SVIL: variants seen among roughly 807,000 people sequenced by gnomAD.
SVIL encodes the protein archvillin.
SVIL carries 101 observed loss-of-function variants against 240.4 expected under a neutral mutation model. The ratio of observed to expected loss-of-function variants is 0.42; its 90% CI spans 0.36 to 0.50. The LOEUF (loss-of-function observed/expected upper bound fraction) is 0.50, where lower values mean the gene tolerates loss of function less well. Among genes scored for constraint, SVIL ranks in the 20% least tolerant of loss-of-function variants. SVIL has a pLI of 0.01. For synonymous variants in SVIL, 999 were observed against 1,100.0 expected (o/e 0.91, Z 1.82); for missense variants, 2,512 against 2,818.7 (o/e 0.89, Z 2.46).
chr10:29,535,342 G>A (rs1305852022), intron 7 of SVIL, among the ~76,000 whole-genome samples: 1 of 152,170 alleles, frequency 6.6e-6, no homozygotes, highest in Non-Finnish European at 1.5e-5. Context: ...TGGAATGCGT[G>A]CTCCTGATCA....
chr10:29,629,756 T>C (rs556874096), intron 1 of SVIL, among the ~76,000 whole-genome samples: 1 of 148,718 alleles, frequency 6.7e-6, no homozygotes, highest in Non-Finnish European at 1.5e-5. Context: ...AATGGGAGGA[T>C]AGCTTGAGGC....
chr10:29,463,113 G>A (rs907703721), intron 35 of SVIL, among the ~76,000 whole-genome samples: 13 of 152,160 alleles, frequency 8.5e-5, no homozygotes, highest in Admixed American at 1.3e-4. Context: ...CTCCAACAGC[G>A]TGGTAGTGCT....
intron 2 of SVIL, 26 bp from the exon 3 acceptor site, chr10:29,563,318 T>C (rs1401690197): frequency 4.2e-6 from 4 of 955,072 alleles, no homozygotes; most frequent in African/African-American, 1.8e-5. Flanking sequence ...TTAATAAAGT[T>C]AAGTCCATTT....
At chr10:29,652,007 A>ACTT (rs1273958082) in intron 3 of SVIL, among the ~76,000 whole-genome samples, 4 of 145,622 alleles carry the variant, frequency 2.7e-5, no homozygotes, top group African/African-American at 9.8e-5. Flanking sequence ...TATATGTAAG[A>ACTT]CACACACACA....
intron 17 of SVIL, among the ~76,000 whole-genome samples, chr10:29,499,541 G>A (rs868795469): frequency 0.036 from 5,471 of 151,472 alleles, 341 homozygotes; most frequent in African/African-American, 0.13. Flanking sequence ...TCCTTTGTAA[G>A]CACAAACAAT....
intron 1 of SVIL, chr10:29,602,280 CTTAAAGGT>C: frequency 1.9e-6 from 1 of 533,826 alleles, no homozygotes. Context: ...ATACCAAGTT[CTTAAAGGT>C]GTACCACGGT....
At chr10:29,529,590 G>A in intron 12 of SVIL, 115 bp downstream of exon 12, 4 of 1,272,678 alleles carry the variant, frequency 3.1e-6, no homozygotes, top group Non-Finnish European at 4.1e-6. Flanking sequence ...TAACTTCTCT[G>A]TGGCTTCTAG....
intron 1 of SVIL, among the ~76,000 whole-genome samples, chr10:29,732,728 C>CCTTGGCCTAAT (rs1964690116): frequency 6.6e-6 from 1 of 152,186 alleles, no homozygotes; most frequent in East Asian, 1.9e-4. Context: ...GGAAATGGTC[C>CCTTGGCCTAAT]CTCTTCCCAG....
At chr10:29,567,714 A>T (rs990178499) in intron 2 of SVIL, among the ~76,000 whole-genome samples, 1 of 152,122 alleles carries the variant, frequency 6.6e-6, no homozygotes, top group African/African-American at 2.4e-5. Context: ...CCTGCTAGGG[A>T]CATATTAGAG....
At chr10:29,517,707 G>T (rs577430901) in intron 16 of SVIL, among the ~76,000 whole-genome samples, 2 of 152,314 alleles carry the variant, frequency 1.3e-5, no homozygotes, top group South Asian at 4.1e-4. Flanking sequence ...GGTGGATTCT[G>T]CAACAGTTCA....
chr10:29,686,404 T>A (rs540063635), intron 2 of SVIL: 1 of 152,340 alleles, frequency 6.6e-6, no homozygotes, highest in East Asian at 1.9e-4. Context: ...GTTTTGTTTT[T>A]AAAAAGTCCA....
intron 1 of SVIL, among the ~76,000 whole-genome samples, chr10:29,687,220 C>T (rs1357016907): frequency 1.3e-5 from 2 of 152,244 alleles, no homozygotes; most frequent in Non-Finnish European, 2.9e-5. Context: ...CTGATAATGT[C>T]AATTACAAGC....
At chr10:29,544,287 C>T (rs1952434280) in intron 6 of SVIL, among the ~76,000 whole-genome samples, 1 of 152,132 alleles carries the variant, frequency 6.6e-6, no homozygotes, top group Admixed American at 6.5e-5. Flanking sequence ...CTAAAAGTCG[C>T]TTGTTTGGAA....
intron 2 of SVIL, among the ~76,000 whole-genome samples, chr10:29,681,741 T>G (rs182068124): frequency 3.3e-5 from 5 of 152,210 alleles, no homozygotes; most frequent in Admixed American, 3.3e-4. Context: ...AGAGCTGGGC[T>G]GGATGCTCCC....
chr10:29,620,104 C>T (rs1271288688), intron 1 of SVIL, among the ~76,000 whole-genome samples: 1 of 151,908 alleles, frequency 6.6e-6, no homozygotes, highest in Non-Finnish European at 1.5e-5. Context: ...GCCATCAGAA[C>T]CGTGTAAATG....
chr10:29,692,025 G>T (rs886132308), intron 1 of SVIL, among the ~76,000 whole-genome samples: 1 of 152,148 alleles, frequency 6.6e-6, no homozygotes, highest in Non-Finnish European at 1.5e-5. Context: ...AATCCCTGCC[G>T]CAGCTCACTC....
At chr10:29,514,292 A>G (rs1207360714) in intron 16 of SVIL, among the ~76,000 whole-genome samples, 3 of 151,646 alleles carry the variant, frequency 2.0e-5, no homozygotes, top group African/African-American at 4.9e-5. Context: ...TCTGGAGTGC[A>G]GCGGCACAAT....
chr10:29,570,421 G>C (rs1955336897), intron 1 of SVIL, among the ~76,000 whole-genome samples: 1 of 152,174 alleles, frequency 6.6e-6, no homozygotes, highest in Admixed American at 6.5e-5. Flanking sequence ...TTTCAAATAT[G>C]ATACTCAAAA....
intron 17 of SVIL, among the ~76,000 whole-genome samples, chr10:29,504,146 A>T (rs1365459391): frequency 6.6e-6 from 1 of 151,590 alleles, no homozygotes; most frequent in African/African-American, 2.4e-5. Context: ...ACTCATATGT[A>T]AAAAAAAACT....
Sources: gnomAD v4.1 joint callset for allele counts (sites outside exome capture counted in the v4.1 genomes callset) on GRCh38, gnomAD v4.1.1 for gene constraint, MANE v1.5 for transcripts, NCBI Gene and HGNC (gene_info 2026-07-23, HGNC 2026-07-21) for gene names.